GPR19: variants seen among roughly 807,000 people sequenced by gnomAD.
The protein encoded by GPR19 is probable G protein-coupled receptor 19.
In GPR19, 14 loss-of-function variants were observed where a neutral mutation model predicts 28.5. The ratio of observed to expected loss-of-function variants is 0.49; its 90% CI spans 0.32 to 0.77. GPR19 has a LOEUF of 0.77. Ranked by LOEUF, GPR19 falls within the 30% of genes least tolerant of loss-of-function variation. The pLI is 0.03. For missense variants in GPR19, 409 were observed against 504.1 expected, an observed-to-expected ratio of 0.81 and a Z score of 1.81; for synonymous variants, 173 against 184.1, an observed-to-expected ratio of 0.94 and a Z score of 0.49.
chr12:12,681,226 C>A (rs1455037616), intron 3 of GPR19, among the ~76,000 whole-genome samples: 1 of 152,172 alleles, frequency 6.6e-6, no homozygotes, highest in Non-Finnish European at 1.5e-5. Context: ...CCTACATACA[C>A]CCTAGGAAGG....
At chr12:12,663,280 A>G (rs1945707840) in intron 3 of GPR19, among the ~76,000 whole-genome samples, 1 of 152,194 alleles carries the variant, frequency 6.6e-6, no homozygotes, top group Admixed American at 6.5e-5. Flanking sequence ...TATGGCAGTC[A>G]GGTGATTAAA....
intron 2 of GPR19, among the ~76,000 whole-genome samples, chr12:12,695,009 C>T (rs556968756): frequency 6.6e-6 from 1 of 152,254 alleles, no homozygotes; most frequent in South Asian, 2.1e-4. Flanking sequence ...GAAGTACTTC[C>T]ATTCTATATA....
chr12:12,674,072 CATG>C (rs964636919), intron 3 of GPR19, among the ~76,000 whole-genome samples: 2 of 151,792 alleles, frequency 1.3e-5, no homozygotes, highest in African/African-American at 4.8e-5. Context: ...ATTAGCCCAG[CATG>C]GTGGTGAGTG....
At chr12:12,713,789 C>T in the GPR19 span, among the ~76,000 whole-genome samples, 1 of 152,192 alleles carries the variant, frequency 6.6e-6, no homozygotes, top group Non-Finnish European at 1.5e-5. Flanking sequence ...GCCTCTGCCT[C>T]CCAAAGTGCT....
chr12:12,662,533 T>C lies in GPR19; in HGVS notation c.-22-63A>G, dbSNP rs78794451. ...AAGGTGTCATACAGATTGGTTATGATTACTCAGGCTAACGATCTTATTTGA... is the reference window on the plus strand; with the variant it reads ...AAGGTGTCATACAGATTGGTTATGACTACTCAGGCTAACGATCTTATTTGA... On this transcript the variant is annotated intron_variant, in intron 3 of 3. Transcript: ENST00000651487. 2.9e-3 allele frequency: 3,529 copies of C among 1,218,088 alleles called. 9 individuals are homozygous for C. The highest frequency in any genetic ancestry group is 0.015 in the Middle Eastern group (75 of 5,098). The allele number at this position is 1,218,088 out of a possible 1,614,324, so 75.5% of individuals were successfully genotyped here.
the GPR19 span, among the ~76,000 whole-genome samples, chr12:12,702,576 T>C: frequency 1.3e-5 from 2 of 152,248 alleles, no homozygotes; most frequent in African/African-American, 2.4e-5. Flanking sequence ...CCTAGTTTTC[T>C]GGATCTCCAT....
chr12:12,667,081 A>G (rs1210421308), intron 3 of GPR19, among the ~76,000 whole-genome samples: 1 of 151,796 alleles, frequency 6.6e-6, no homozygotes, highest in East Asian at 1.9e-4. Context: ...ATAAAAATAT[A>G]TCTTCAAGGG....
the GPR19 span, among the ~76,000 whole-genome samples, chr12:12,704,801 C>G: frequency 6.6e-6 from 1 of 152,082 alleles, no homozygotes; most frequent in African/African-American, 2.4e-5. Context: ...ATGAATGTTC[C>G]GAATTGGGGG....
At position 12,694,188 on chromosome 12, in the gene GPR19, C is replaced by CTTTTTTTTTTTTTTTTT. The variant is rs147543699; in HGVS notation, c.-180+1254_-180+1270dup. On this transcript the variant is annotated intron_variant, in intron 2 of 3. Coordinates refer to ENST00000651487, the MANE Select transcript of GPR19 (RefSeq NM_006143.3). ...TGTGTGGGCATGGTAGAGTACCTGT[C>CTTTTTTTTTTTTTTTTT]TTTTTTTTTTTTTTTTTTTTTTTTT... Among the ~76,000 whole-genome samples, 29 of 43,850 alleles carry CTTTTTTTTTTTTTTTTT rather than the reference C, an allele frequency of 6.6e-4. 6 individuals are homozygous for CTTTTTTTTTTTTTTTTT. Among genetic ancestry groups the CTTTTTTTTTTTTTTTTT allele is most frequent in the South Asian group, 2.3e-3 (2 of 864 alleles). 28.8% of individuals were successfully genotyped at this position (43,850 alleles called of 152,430 possible). A position where few individuals can be genotyped will look rare whatever the true frequency, so the allele number is the denominator to read the frequency against.
chr12:12,681,604 G>A (rs1474870264), intron 3 of GPR19, among the ~76,000 whole-genome samples: 1 of 152,190 alleles, frequency 6.6e-6, no homozygotes, highest in Non-Finnish European at 1.5e-5. Flanking sequence ...TGTGTGGGGG[G>A]CATGTAGCAC....
chr12:12,696,966 C>A (rs776088413), upstream of GPR19, among the ~76,000 whole-genome samples: 1 of 152,016 alleles, frequency 6.6e-6, no homozygotes, highest in East Asian at 1.9e-4. Flanking sequence ...AATAGCACCA[C>A]CCTAACCAGA....
intron 3 of GPR19, among the ~76,000 whole-genome samples, chr12:12,681,558 G>A (rs1024970736): frequency 1.3e-5 from 2 of 152,210 alleles, no homozygotes; most frequent in Non-Finnish European, 2.9e-5. Context: ...CATGCCTCAT[G>A]TGTGTGCTAG....
chr12:12,665,694 G>A (rs1208026310), intron 3 of GPR19, among the ~76,000 whole-genome samples: 2 of 151,538 alleles, frequency 1.3e-5, no homozygotes, highest in Admixed American at 6.6e-5. Flanking sequence ...AAAATTAGCC[G>A]GGCATGGTGG....
In GPR19 at chr12:12,662,069, G is replaced by T. The variant is rs1351866781; in HGVS notation, c.380C>A (p.Thr127Asn). 6.2e-7 allele frequency: 1 copy of T among 1,614,162 alleles called. No homozygotes were observed. The highest frequency in any genetic ancestry group is 1.7e-5 in the Admixed American group (1 of 60,030). Residue 127 changes from threonine (T) to asparagine (N), a missense_variant, in exon 4 of 4, where the codon ACC becomes AAC. Coordinates refer to ENST00000651487, the MANE Select transcript of GPR19 (RefSeq NM_006143.3). ...ACTACCCAGCGTCCACCTTCCAGTG[G>T]TGAACTGGAGCAGGACGAAAGGCGT... is the stretch of plus-strand genomic sequence containing the variant. ...ASTPFVLLQF[T>N]TGRWTLGSAT... is the part of the protein sequence containing the mutation.
the GPR19 span, among the ~76,000 whole-genome samples, chr12:12,707,296 C>T: frequency 6.6e-6 from 1 of 152,240 alleles, no homozygotes; most frequent in Non-Finnish European, 1.5e-5. Flanking sequence ...ACCCTCCGTA[C>T]TCTTAATTAG....
At chr12:12,695,748 T>G (rs1946251719) in intron 1 of GPR19, among the ~76,000 whole-genome samples, 1 of 152,204 alleles carries the variant, frequency 6.6e-6, no homozygotes, top group Non-Finnish European at 1.5e-5. Context: ...GTTCACACTC[T>G]TTTAAGAAAA....
chr12:12,665,924 G>A lies in GPR19; in HGVS notation c.-22-3454C>T, dbSNP rs1170947789. ...TAATTATAATTCACTGCTAAGAACA[G>A]AACTTTGTACAAGGAGCTAAGTAAG... On this transcript the variant is annotated intron_variant, in intron 3 of 3. Transcript: ENST00000651487. Among the ~76,000 whole-genome samples, 5 of 148,654 alleles carry A rather than the reference G, an allele frequency of 3.4e-5. No homozygotes were observed. In the East Asian group the frequency reaches 1.0e-3, roughly 30 times the overall value.
At chr12:12,679,409 A>G (rs1401351860) in intron 3 of GPR19, among the ~76,000 whole-genome samples, 2 of 141,924 alleles carry the variant, frequency 1.4e-5, no homozygotes, top group Non-Finnish European at 3.1e-5. Flanking sequence ...TGGGCAACAT[A>G]GTGAGTCCCT....
In GPR19 at chr12:12,661,413, A is replaced by C; in HGVS notation, c.1036T>G (p.Cys346Gly). ...CGGTAACATTTCATAGAGGACATGC[A>C]AAAAGTCTCTTTCATCCCTCTCCGA... ...NFRRGMKETF[C>G]MSSMKCYRSN... The change falls in exon 4 of 4, where the codon TGC (cysteine) becomes GGC (glycine). Residue 346 changes from cysteine to glycine, a missense_variant. Transcript: ENST00000651487. The surrounding 1 kb of genome is among the most constrained non-coding windows in gnomAD (Gnocchi z 4.2). The C allele has an allele frequency of 6.2e-7, 1 of 1,613,396 alleles. No homozygotes were observed. The highest frequency in any genetic ancestry group is 1.1e-5 in the South Asian group (1 of 91,062).
Sources: allele counts gnomAD v4.1 joint callset (sites outside exome capture counted in the v4.1 genomes callset), GRCh38; gene constraint gnomAD v4.1.1; non-coding constraint Gnocchi (gnomAD v3.1); transcripts MANE v1.5; gene names NCBI Gene and HGNC (gene_info 2026-07-23, HGNC 2026-07-21).